Variants in IL3RA observed in about 807,000 individuals in gnomAD.
The protein encoded by IL3RA is interleukin-3 receptor subunit alpha.
IL3RA carries 73 observed loss-of-function variants against 52.3 expected under a neutral mutation model. The observed-to-expected ratio is 1.40, with a 90% CI of 1.16 to 1.70. IL3RA has a LOEUF of 1.70. Among genes scored for constraint, IL3RA ranks in the 40% most tolerant of loss-of-function variants. The pLI, the probability that IL3RA is intolerant of heterozygous loss-of-function variation, is 0.00. For synonymous variants in IL3RA, 260 were observed against 194.0 expected, an observed-to-expected ratio of 1.34 and a Z score of -2.83; for missense variants, 664 against 504.4, an observed-to-expected ratio of 1.32 and a Z score of -3.03.
rs185167248 is a variant in IL3RA at position 1,344,479 on chromosome X, G to C, written c.65-837G>C. 1.4e-3 allele frequency among the ~76,000 whole-genome samples: 212 copies of C among 151,840 alleles called. 1 individual carries two copies. Among genetic ancestry groups the C allele is most frequent in the Non-Finnish European group, 8.5e-4 (58 of 67,952 alleles). On this transcript the variant is annotated intron_variant, in intron 2 of 11. Coordinates refer to ENST00000331035, the MANE Select transcript of IL3RA (RefSeq NM_002183.4). ...AATACCCATTACAATGTTGTTTTAAGATTGTTGTATATCAACTGGGCATGG... is the reference window on the plus strand; with the variant it reads ...AATACCCATTACAATGTTGTTTTAACATTGTTGTATATCAACTGGGCATGG...
intron 4 of IL3RA, among the ~76,000 whole-genome samples, chrX:1,349,251 G>T (rs374157774): frequency 6.7e-5 from 10 of 149,774 alleles, no homozygotes; most frequent in Middle Eastern, 3.5e-3. Flanking sequence ...GCGCGATCTC[G>T]GCTCACTGCA....
chrX:1,378,847 T>C, intron 10 of IL3RA, 83 bp downstream of exon 10: 1 of 1,275,862 alleles, frequency 7.8e-7, no homozygotes, highest in Non-Finnish European at 1.1e-6. Flanking sequence ...CTGAGAATTA[T>C]CATTATTATT....
chrX:1,379,787 T>TTTGCTTTTG (rs1394141594), intron 10 of IL3RA, among the ~76,000 whole-genome samples: 3 of 152,040 alleles, frequency 2.0e-5, no homozygotes, highest in Non-Finnish European at 4.4e-5. Context: ...GAGAAGGAGT[T>TTTGCTTTTG]TTGCTTTTGT....
chrX:1,356,424 AAC>A (rs1236036568), intron 7 of IL3RA, 88 bp downstream of exon 7: 5 of 762,156 alleles, frequency 6.6e-6, no homozygotes, highest in Admixed American at 4.9e-5. Flanking sequence ...TGAAACGGGC[AAC>A]AATCTCCTCT....
At position 1,343,076 on chromosome X, in the gene IL3RA, A is replaced by AAATG. The variant is rs1163506262; in HGVS notation, c.64+1267_64+1270dup. ...GGCGACAGAGTGAGACTCCGTCTCAAAATGAATGAATGAATGAATGAATTT... is the reference window on the plus strand; with the variant it reads ...GGCGACAGAGTGAGACTCCGTCTCAAAATGAATGAATGAATGAATGAATGAATTT... On this transcript the variant is annotated intron_variant, in intron 2 of 11. Transcript: ENST00000331035. 1.4e-4 allele frequency among the ~76,000 whole-genome samples: 22 copies of AAATG among 151,934 alleles called. 1 individual carries two copies. Among genetic ancestry groups the AAATG allele is most frequent in the South Asian group, 1.0e-3 (5 of 4,810 alleles).
chrX:1,341,970 C>G (rs2085513773), intron 2 of IL3RA, 141 bp downstream of exon 2: 2 of 875,936 alleles, frequency 2.3e-6, no homozygotes, highest in Non-Finnish European at 1.9e-6. Flanking sequence ...GGGAATGACT[C>G]AGACACTTCC....
At chrX:1,362,045 T>C (rs1416479031) in intron 8 of IL3RA, among the ~76,000 whole-genome samples, 3 of 151,780 alleles carry the variant, frequency 2.0e-5, no homozygotes, top group Non-Finnish European at 4.4e-5. Flanking sequence ...TCTGTCTCTT[T>C]GTATCTCTGT....
chrX:1,362,577 TTCTC>T (rs758126221), intron 8 of IL3RA, among the ~76,000 whole-genome samples: 20 of 150,888 alleles, frequency 1.3e-4, no homozygotes, highest in Admixed American at 8.6e-4. Flanking sequence ...TTGTATCTCT[TTCTC>T]TCTCTCTGTC....
chrX:1,364,418 G>A (rs1382408900), intron 8 of IL3RA, among the ~76,000 whole-genome samples: 1 of 152,080 alleles, frequency 6.6e-6, no homozygotes, highest in Non-Finnish European at 1.5e-5. Flanking sequence ...TTGAATCTGG[G>A]AGGCGGAGGT....
chrX:1,380,382 G>A (rs1361062821), intron 10 of IL3RA, among the ~76,000 whole-genome samples: 1 of 97,580 alleles, frequency 1.0e-5, no homozygotes, highest in Non-Finnish European at 2.0e-5. Flanking sequence ...TCAAATGGGT[G>A]CCATGGTGAC....
In IL3RA at chrX:1,345,385, G is replaced by C. The variant is rs780448160; in HGVS notation, c.134G>C (p.Arg45Thr). ...CAGCAGTTGACCTGGGACCTTAACA[G>C]AAATGTGACCGATATCGAGTGTGTT... ...KAQQLTWDLN[R>T]NVTDIECVKD... The change falls in exon 3 of 12, where the codon AGA (arginine) becomes ACA (threonine). Residue 45 changes from arginine (R) to threonine (T), a missense_variant. Arg to Thr is a moderately conservative substitution (Grantham distance 71). Transcript: ENST00000331035. 1 of 1,610,974 alleles carries C rather than the reference G, an allele frequency of 6.2e-7. No homozygotes were observed. Among genetic ancestry groups the C allele is most frequent in the East Asian group, 2.2e-5 (1 of 44,836 alleles).
intron 9 of IL3RA, among the ~76,000 whole-genome samples, chrX:1,368,586 G>A (rs1287233594): frequency 6.6e-6 from 1 of 152,156 alleles, no homozygotes; most frequent in East Asian, 1.9e-4. Context: ...GAGTTGGGGT[G>A]TTTAAAGAGG....
chrX:1,380,675 TGGA>T (rs2089135198), intron 10 of IL3RA, among the ~76,000 whole-genome samples: 1 of 21,334 alleles, frequency 4.7e-5, no homozygotes, highest in Non-Finnish European at 8.9e-5. Context: ...GGGGAAGGGG[TGGA>T]GGAGGGAGGA....
intron 8 of IL3RA, among the ~76,000 whole-genome samples, chrX:1,363,922 C>T (rs2087703011): frequency 6.6e-6 from 1 of 151,920 alleles, no homozygotes; most frequent in African/African-American, 2.4e-5. Flanking sequence ...GTGGCTCACG[C>T]TGGTAATCCC....
intron 2 of IL3RA, among the ~76,000 whole-genome samples, chrX:1,344,976 C>G (rs1333295465): frequency 6.9e-6 from 1 of 144,220 alleles, no homozygotes; most frequent in Non-Finnish European, 1.5e-5. Context: ...TCCTGGCTAA[C>G]ACGGTGAAAC....
chrX:1,349,060 C>T (rs1244909991), intron 4 of IL3RA, among the ~76,000 whole-genome samples: 2 of 150,850 alleles, frequency 1.3e-5, no homozygotes, highest in Admixed American at 6.7e-5. Context: ...CAGGCTGGAG[C>T]GCAGTGGTGC....
intron 8 of IL3RA, among the ~76,000 whole-genome samples, chrX:1,364,800 T>TC (rs2087786175): frequency 6.7e-6 from 1 of 149,630 alleles, no homozygotes; most frequent in South Asian, 2.2e-4. Flanking sequence ...TTTTATTTAT[T>TC]TATTTATTTA....
intron 1 of IL3RA, among the ~76,000 whole-genome samples, chrX:1,340,748 G>A (rs1486733379): frequency 6.6e-6 from 1 of 152,146 alleles, no homozygotes; most frequent in Non-Finnish European, 1.5e-5. Context: ...CACTTGGCGA[G>A]GAAAAGGCGG....
chrX:1,379,155 A>G (rs1253648669), intron 10 of IL3RA, among the ~76,000 whole-genome samples: 1 of 140,212 alleles, frequency 7.1e-6, no homozygotes, highest in African/African-American at 2.7e-5. Flanking sequence ...TATTATTATT[A>G]TTGTTATGAT....
Sources: gnomAD v4.1 joint callset for allele counts (sites outside exome capture counted in the v4.1 genomes callset) on GRCh38, gnomAD v4.1.1 for gene constraint, MANE v1.5 for transcripts, NCBI Gene and HGNC (gene_info 2026-07-23, HGNC 2026-07-21) for gene names.